The following ZNF385D variants were observed in gnomAD, a reference collection of about 807,000 sequenced individuals.
The protein encoded by ZNF385D is zinc finger protein 385D, also known as zinc finger protein 659.
A neutral mutation model predicts 35.8 loss-of-function variants in ZNF385D; 15 were observed. The ratio of observed to expected loss-of-function variants is 0.42; its 90% CI spans 0.28 to 0.64. ZNF385D has a LOEUF of 0.64. Ranked by LOEUF, ZNF385D falls within the 30% of genes least tolerant of loss-of-function variation. The pLI is 0.23. For missense variants in ZNF385D, 474 were observed against 494.6 expected (o/e 0.96, Z 0.39); for synonymous variants, 212 against 186.8 (o/e 1.13, Z -1.10).
At chr3:21,972,408 C>A (rs906408470) in intron 3 of ZNF385D, among the ~76,000 whole-genome samples, 5 of 151,744 alleles carry the variant, frequency 3.3e-5, no homozygotes, top group African/African-American at 4.8e-5. Flanking sequence ...ATACAACATA[C>A]AAAAACTTAC....
chr3:22,292,537 G>A (rs1242828144), intron 2 of ZNF385D, among the ~76,000 whole-genome samples: 1 of 152,014 alleles, frequency 6.6e-6, no homozygotes, highest in Non-Finnish European at 1.5e-5. Flanking sequence ...AGATTTTGTA[G>A]ACCTCTATTT....
intron 2 of ZNF385D, among the ~76,000 whole-genome samples, chr3:21,661,599 T>G (rs180753376): frequency 6.6e-6 from 1 of 152,314 alleles, no homozygotes; most frequent in Admixed American, 6.5e-5. Context: ...ACTGAAACTC[T>G]AATGTCTTAA....
At chr3:22,046,950 T>C (rs1699040024) in intron 3 of ZNF385D, among the ~76,000 whole-genome samples, 1 of 152,160 alleles carries the variant, frequency 6.6e-6, no homozygotes, top group Non-Finnish European at 1.5e-5. Flanking sequence ...GAAATATATG[T>C]CCAGATTAGA....
At chr3:21,920,879 T>C (rs1246197756) in intron 3 of ZNF385D, among the ~76,000 whole-genome samples, 5 of 152,024 alleles carry the variant, frequency 3.3e-5, no homozygotes, top group Non-Finnish European at 7.4e-5. Context: ...CTTTACAAAA[T>C]ACATTAAAAT....
At chr3:22,136,079 A>G (rs1283925407) in intron 3 of ZNF385D, among the ~76,000 whole-genome samples, 9 of 152,136 alleles carry the variant, frequency 5.9e-5, no homozygotes, top group Admixed American at 5.9e-4. Context: ...AGACATGACA[A>G]CAAAAGGATA....
chr3:21,792,347 T>C (rs115372000), intron 3 of ZNF385D, among the ~76,000 whole-genome samples: 2,292 of 152,220 alleles, frequency 0.015, 62 homozygotes, highest in African/African-American at 0.052. Flanking sequence ...GAAGTAAACA[T>C]TTCCCCTACC....
chr3:22,027,675 A>G (rs922630513), intron 3 of ZNF385D, among the ~76,000 whole-genome samples: 3 of 152,170 alleles, frequency 2.0e-5, no homozygotes, highest in Non-Finnish European at 4.4e-5. Flanking sequence ...AAAGTGGGTC[A>G]CGCACAGCTG....
intron 3 of ZNF385D, among the ~76,000 whole-genome samples, chr3:22,002,311 C>T (rs1281271797): frequency 6.6e-6 from 1 of 152,006 alleles, no homozygotes; most frequent in Non-Finnish European, 1.5e-5. Context: ...ATATGATGAA[C>T]AAGTATATGC....
At chr3:21,531,914 T>C (rs1559378306) in intron 3 of ZNF385D, among the ~76,000 whole-genome samples, 2 of 152,204 alleles carry the variant, frequency 1.3e-5, no homozygotes, top group East Asian at 1.9e-4. Flanking sequence ...TGTGTCAGTG[T>C]AGGTAAATCA....
At chr3:21,776,844 G>C (rs1460540119) in intron 3 of ZNF385D, among the ~76,000 whole-genome samples, 3 of 151,798 alleles carry the variant, frequency 2.0e-5, no homozygotes, top group Non-Finnish European at 2.9e-5. Context: ...TATTCCTGTG[G>C]GCAGAAACTG....
At chr3:22,203,445 G>A (rs1281447664) in intron 2 of ZNF385D, among the ~76,000 whole-genome samples, 1 of 152,122 alleles carries the variant, frequency 6.6e-6, no homozygotes, top group East Asian at 1.9e-4. Context: ...TGGCTACAAG[G>A]AGAGATCCCT....
intron 3 of ZNF385D, among the ~76,000 whole-genome samples, chr3:22,103,212 C>A (rs1052643888): frequency 3.6e-5 from 2 of 54,806 alleles, no homozygotes; most frequent in African/African-American, 8.5e-5. Context: ...AGCCCTGGGG[C>A]CATTTTTTTT....
At chr3:21,581,752 T>G (rs1428747020) in intron 2 of ZNF385D, among the ~76,000 whole-genome samples, 1 of 152,148 alleles carries the variant, frequency 6.6e-6, no homozygotes, top group Non-Finnish European at 1.5e-5. Flanking sequence ...AAAGTAAAAT[T>G]AATAATCTAG....
intron 3 of ZNF385D, among the ~76,000 whole-genome samples, chr3:21,524,370 A>T (rs1275193103): frequency 6.6e-6 from 1 of 152,206 alleles, no homozygotes; most frequent in African/African-American, 2.4e-5. Context: ...ATCAGCTGCA[A>T]CATTTGAATG....
intron 2 of ZNF385D, among the ~76,000 whole-genome samples, chr3:21,623,083 T>C (rs535483733): frequency 6.6e-6 from 1 of 152,198 alleles, no homozygotes; most frequent in African/African-American, 2.4e-5. Flanking sequence ...CTGCCCTCAT[T>C]TATCTTAGAG....
At chr3:22,029,176 C>A (rs538359610) in intron 3 of ZNF385D, among the ~76,000 whole-genome samples, 4 of 152,294 alleles carry the variant, frequency 2.6e-5, no homozygotes, top group Admixed American at 2.6e-4. Context: ...ACTTTGTGCT[C>A]CTCCTACCTT....
intron 3 of ZNF385D, among the ~76,000 whole-genome samples, chr3:22,016,935 G>GACACACAC (rs140018760): frequency 1.5e-4 from 22 of 148,874 alleles, no homozygotes; most frequent in African/African-American, 4.7e-4. Flanking sequence ...CCATCCATCG[G>GACACACAC]ACACACACAC....
At chr3:22,208,580 C>T (rs936936488) in intron 2 of ZNF385D, among the ~76,000 whole-genome samples, 1 of 151,524 alleles carries the variant, frequency 6.6e-6, no homozygotes, top group African/African-American at 2.4e-5. Flanking sequence ...TATATTGTAA[C>T]AAAAAGGATA....
intron 3 of ZNF385D, among the ~76,000 whole-genome samples, chr3:21,788,169 C>T (rs889272106): frequency 1.3e-5 from 2 of 152,234 alleles, no homozygotes; most frequent in Admixed American, 6.5e-5. Context: ...TATCTTCCAT[C>T]GAGTAGAAAT....
Sources: allele counts gnomAD v4.1 joint callset (sites outside exome capture counted in the v4.1 genomes callset), GRCh38; gene constraint gnomAD v4.1.1; transcripts MANE v1.5; gene names NCBI Gene and HGNC (gene_info 2026-07-23, HGNC 2026-07-21).